ZDHHC17: variants seen among roughly 807,000 people sequenced by gnomAD.
The protein encoded by ZDHHC17 is palmitoyltransferase ZDHHC17.
A neutral mutation model predicts 90.3 loss-of-function variants in ZDHHC17; 40 were observed. The observed-to-expected ratio is 0.44, with a 90% confidence interval of 0.34 to 0.58. The LOEUF (loss-of-function observed/expected upper bound fraction) is 0.58. Among genes scored for constraint, ZDHHC17 ranks in the 20% least tolerant of loss-of-function variants. The pLI is 0.01. For synonymous variants in ZDHHC17, 235 were observed against 252.4 expected (o/e 0.93, Z 0.65); for missense variants, 614 against 780.8 (o/e 0.79, Z 2.55).
chr12:76,828,582 C>T (rs750424153), intron 10 of ZDHHC17, 92 bp downstream of exon 10: 69 of 1,023,134 alleles, frequency 6.7e-5, no homozygotes, highest in Non-Finnish European at 9.5e-5. Context: ...CTGATCTACT[C>T]ATTCATAATA....
intron 7 of ZDHHC17, among the ~76,000 whole-genome samples, chr12:76,817,045 C>G (rs955028447): frequency 1.3e-5 from 2 of 151,982 alleles, no homozygotes; most frequent in African/African-American, 2.4e-5. Flanking sequence ...GATGGGCACT[C>G]TAGGTATTTA....
intron 1 of ZDHHC17, among the ~76,000 whole-genome samples, chr12:76,776,618 T>C (rs1333262729): frequency 6.6e-6 from 1 of 152,224 alleles, no homozygotes. Context: ...GGACCTGCAT[T>C]GTTCAATGGT....
In ZDHHC17 at chr12:76,851,010, T is replaced by G; in HGVS notation, c.*25T>G. 1 of 1,613,230 alleles carries G rather than the reference T, an allele frequency of 6.2e-7. No individual in the cohort carries two copies. Among genetic ancestry groups the G allele is most frequent in the Non-Finnish European group, 8.5e-7 (1 of 1,179,610 alleles). Reference sequence around the variant, plus strand: ...GCGACATCTTATCCTATGAAGCATATTGCTGAGTGGTGCCTGAAAATTGTG... The same window carrying G: ...GCGACATCTTATCCTATGAAGCATAGTGCTGAGTGGTGCCTGAAAATTGTG... On this transcript the variant is annotated 3_prime_UTR_variant, in exon 17 of 17. Coordinates refer to ENST00000426126, the MANE Select transcript of ZDHHC17 (RefSeq NM_015336.4).
chr12:76,784,255 C>A (rs1952660976), intron 1 of ZDHHC17, among the ~76,000 whole-genome samples: 1 of 152,078 alleles, frequency 6.6e-6, no homozygotes, highest in Non-Finnish European at 1.5e-5. Flanking sequence ...CATGTCTAAA[C>A]CATATCTAGT....
At chr12:76,777,743 G>A (rs1037220626) in intron 1 of ZDHHC17, among the ~76,000 whole-genome samples, 8 of 152,096 alleles carry the variant, frequency 5.3e-5, no homozygotes, top group African/African-American at 1.9e-4. Flanking sequence ...ATTGGTCTTG[G>A]GATCTCTATC....
intron 7 of ZDHHC17, among the ~76,000 whole-genome samples, chr12:76,820,219 T>A (rs1388052954): frequency 2.0e-5 from 3 of 152,124 alleles, no homozygotes; most frequent in African/African-American, 7.2e-5. Context: ...AAAGTGGCTG[T>A]CATCAGAAAA....
intron 5 of ZDHHC17, among the ~76,000 whole-genome samples, chr12:76,813,125 A>G (rs941419305): frequency 5.3e-5 from 8 of 152,156 alleles, no homozygotes; most frequent in East Asian, 1.9e-4. Flanking sequence ...TAAAAAGGAT[A>G]TGAAAACACA....
chr12:76,833,620 G>A (rs937026809), intron 10 of ZDHHC17, among the ~76,000 whole-genome samples: 2 of 151,410 alleles, frequency 1.3e-5, no homozygotes, highest in Non-Finnish European at 2.9e-5. Flanking sequence ...GTGAAACCCC[G>A]TCTCTACTAA....
At chr12:76,797,941 CCACACACA>C (rs60610921) in intron 2 of ZDHHC17, among the ~76,000 whole-genome samples, 57,306 of 147,512 alleles carry the variant, frequency 0.39, 11,211 homozygotes, top group East Asian at 0.6. Context: ...TGAAACTCTG[CCACACACA>C]CACACACACA....
intron 1 of ZDHHC17, among the ~76,000 whole-genome samples, chr12:76,769,723 C>A (rs999070429): frequency 5.9e-5 from 9 of 151,942 alleles, no homozygotes; most frequent in Admixed American, 1.3e-4. Flanking sequence ...CACTGTTAAG[C>A]CCAGTAACCA....
intron 8 of ZDHHC17, among the ~76,000 whole-genome samples, chr12:76,826,410 C>T (rs1364019532): frequency 6.6e-6 from 1 of 152,054 alleles, no homozygotes. Flanking sequence ...ACTCTAGGAG[C>T]CTATGGATTG....
intron 14 of ZDHHC17, 146 bp from the exon 15 acceptor site, chr12:76,848,082 TATTTA>T: frequency 1.5e-6 from 1 of 687,642 alleles, no homozygotes; most frequent in Non-Finnish European, 2.3e-6. Flanking sequence ...ATAATAGGGT[TATTTA>T]AGAGTATAAA....
chr12:76,844,549 A>G (rs1247796188), intron 12 of ZDHHC17: 1 of 152,142 alleles, frequency 6.6e-6, no homozygotes, highest in Non-Finnish European at 1.5e-5. Flanking sequence ...TTAACCAGTT[A>G]GTCTGTTTTT....
intron 16 of ZDHHC17, among the ~76,000 whole-genome samples, chr12:76,850,134 C>T (rs1953545510): frequency 6.6e-6 from 1 of 151,962 alleles, no homozygotes; most frequent in Non-Finnish European, 1.5e-5. Flanking sequence ...CCAGGCTGGT[C>T]CTGAACTCCT....
At chr12:76,764,432 T>G in intron 1 of ZDHHC17, 103 bp downstream of exon 1, 1 of 1,123,182 alleles carries the variant, frequency 8.9e-7, no homozygotes, top group Non-Finnish European at 1.3e-6. Flanking sequence ...TAGTGGGACG[T>G]GCCGAAGTTG....
intron 5 of ZDHHC17, among the ~76,000 whole-genome samples, chr12:76,810,907 T>C (rs1181865020): frequency 6.6e-6 from 1 of 152,150 alleles, no homozygotes. Context: ...TTGATAGGAA[T>C]GGCTACAAAC....
chr12:76,834,023 A>C (rs1269463373), intron 10 of ZDHHC17, among the ~76,000 whole-genome samples: 11 of 152,180 alleles, frequency 7.2e-5, no homozygotes, highest in Admixed American at 6.5e-4. Flanking sequence ...TTCCTGCCTT[A>C]ATGATATGGG....
intron 1 of ZDHHC17, among the ~76,000 whole-genome samples, chr12:76,790,055 T>C (rs535888579): frequency 1.3e-5 from 2 of 152,358 alleles, no homozygotes; most frequent in South Asian, 2.1e-4. Flanking sequence ...TGTATCATAC[T>C]GTTAGCTGTT....
intron 11 of ZDHHC17, 132 bp downstream of exon 11, chr12:76,842,238 A>C: frequency 1.0e-6 from 1 of 1,000,434 alleles, no homozygotes. Context: ...GAGATTATGT[A>C]TCTTTTATTT....
Sources: allele counts gnomAD v4.1 joint callset (sites outside exome capture counted in the v4.1 genomes callset), GRCh38; gene constraint gnomAD v4.1.1; transcripts MANE v1.5; gene names NCBI Gene and HGNC (gene_info 2026-07-23, HGNC 2026-07-21).